Variants in AGAP3 observed in about 807,000 individuals in gnomAD.
The protein encoded by AGAP3 is arf-GAP with GTPase, ANK repeat and PH domain-containing protein 3.
AGAP3 carries 24 observed loss-of-function variants against 96.9 expected under a neutral mutation model. The observed-to-expected ratio is 0.25, with a 90% CI of 0.18 to 0.35. AGAP3 has a LOEUF of 0.35. Ranked by LOEUF, AGAP3 falls within the 10% of genes least tolerant of loss-of-function variation. The probability of loss-of-function intolerance (pLI) is 1.00; values close to 1 mark genes in which losing one functional copy is unlikely to be tolerated. For missense variants in AGAP3, 876 were observed against 1,254.2 expected (o/e 0.70, Z 4.55); for synonymous variants, 563 against 536.1 (o/e 1.05, Z -0.69).
chr7:151,124,028 C>A, intron 9 of AGAP3, 142 bp downstream of exon 9: 1 of 851,140 alleles, frequency 1.2e-6, no homozygotes, highest in Non-Finnish European at 1.8e-6. Flanking sequence ...GAGTCCTTAA[C>A]AAGGGACTGG....
chr7:151,102,598 CAA>C (rs35708283), intron 1 of AGAP3, among the ~76,000 whole-genome samples: 27 of 123,162 alleles, frequency 2.2e-4, no homozygotes, highest in South Asian at 1.1e-3. Flanking sequence ...CTCGTCTCTA[CAA>C]AAAAAAAAAA....
intron 1 of AGAP3, chr7:151,115,128 C>A: frequency 9.6e-7 from 1 of 1,039,492 alleles, no homozygotes; most frequent in Non-Finnish European, 1.2e-6. Flanking sequence ...GGAGCCGACT[C>A]CGCGGCCCCG....
chr7:151,090,915 G>T (rs1375679040), intron 1 of AGAP3, among the ~76,000 whole-genome samples: 1 of 152,152 alleles, frequency 6.6e-6, no homozygotes, highest in Non-Finnish European at 1.5e-5. Context: ...CTGCACTCCA[G>T]CCTGGGCAAC....
intron 9 of AGAP3, among the ~76,000 whole-genome samples, chr7:151,126,240 T>C (rs1739727854): frequency 6.6e-6 from 1 of 152,004 alleles, no homozygotes; most frequent in African/African-American, 2.4e-5. Flanking sequence ...GCCACACGTG[T>C]CTGGGTCGGA....
rs1800754598 is a variant in AGAP3 at position 151,139,945 on chromosome 7, T to C, written c.1667-34T>C. ...CGCCCCTCCCCTCCTCTGCCTCCCT[T>C]CTTCCCACACTTCTCCAACTCTCCC... On this transcript the variant is annotated intron_variant, in intron 12 of 17. Coordinates refer to ENST00000397238, the MANE Select transcript of AGAP3 (RefSeq NM_031946.7). This position sits in a 1 kb window ranked among gnomAD's most constrained non-coding sequence, Gnocchi z 4.9. The C allele has an allele frequency of 1.3e-6, 2 of 1,482,276 alleles. No individual in the cohort carries two copies. Among genetic ancestry groups the C allele is most frequent in the Middle Eastern group, 3.6e-4 (2 of 5,498 alleles). 91.8% of individuals were successfully genotyped at this position (1,482,276 alleles called of 1,614,324 possible). A position where few individuals can be genotyped will look rare whatever the true frequency, so the allele number is the denominator to read the frequency against.
intron 11 of AGAP3, among the ~76,000 whole-genome samples, 198 bp downstream of exon 11, chr7:151,134,766 G>A (rs1395023204): frequency 2.0e-5 from 3 of 152,180 alleles, no homozygotes; most frequent in Non-Finnish European, 2.9e-5. Flanking sequence ...ATGCCTAGAC[G>A]AGCAGTTGAT....
chr7:151,110,929 C>A (rs1486044264), intron 1 of AGAP3, among the ~76,000 whole-genome samples: 1 of 152,074 alleles, frequency 6.6e-6, no homozygotes, highest in Non-Finnish European at 1.5e-5. Flanking sequence ...GAATTTAGGT[C>A]CATGGCTGCT....
chr7:151,116,634 C>T (rs1007272346), intron 1 of AGAP3, 159 bp from the exon 2 acceptor site: 2 of 742,132 alleles, frequency 2.7e-6, no homozygotes, highest in East Asian at 2.5e-5. Flanking sequence ...TTCCCACTGC[C>T]TCCTGGGGAA....
intron 1 of AGAP3, among the ~76,000 whole-genome samples, chr7:151,106,057 T>C (rs1799043944): frequency 6.6e-6 from 1 of 151,866 alleles, no homozygotes; most frequent in South Asian, 2.1e-4. Flanking sequence ...CCTTTGAAAA[T>C]ATGAAACAGA....
At position 151,143,577 on chromosome 7, in the gene AGAP3, T is replaced by G; in HGVS notation, c.2510T>G (p.Phe837Cys). 6.2e-7 allele frequency: 1 copy of G among 1,605,532 alleles called. No homozygotes were observed. Among genetic ancestry groups the G allele is most frequent in the Non-Finnish European group, 8.5e-7 (1 of 1,174,202 alleles). Residue 837 changes from phenylalanine to cysteine, a missense_variant, in exon 17 of 18, where the codon TTC becomes TGC. Coordinates refer to ENST00000397238, the MANE Select transcript of AGAP3 (RefSeq NM_031946.7). The surrounding 1 kb of genome is among the most constrained non-coding windows in gnomAD (Gnocchi z 5.9). ...HLSSAMANVV[F>C]TQLLIWYGVD... ...TCCAGTGCCATGGCCAACGTTGTCT[T>G]CACGCAGCTGCTCATCTGGGTGAGT...
chr7:151,100,251 A>G (rs1798784678), intron 1 of AGAP3, among the ~76,000 whole-genome samples: 1 of 152,056 alleles, frequency 6.6e-6, no homozygotes, highest in African/African-American at 2.4e-5. Flanking sequence ...TCCTGAACCC[A>G]TGTTACTAGA....
rs972016335 is a variant in AGAP3, at chr7:151,131,474, C to T, written c.1326+2790C>T. Among the ~76,000 whole-genome samples, 16 of 152,272 alleles carry T rather than the reference C, an allele frequency of 1.1e-4. No homozygotes were observed. The East Asian group carries it at 1.4e-3, about 13-fold the overall frequency. ...GGGTAATAAAGGCAGCCGTGGTGAC[C>T]GCTCTCCTGAGCAGCCGCCACCGCC... On this transcript the variant is annotated intron_variant, in intron 10 of 17. Transcript: ENST00000397238.
At chr7:151,138,462 C>T (rs1368918308) in intron 12 of AGAP3, 149 bp downstream of exon 12, 2 of 900,694 alleles carry the variant, frequency 2.2e-6, no homozygotes, top group Non-Finnish European at 3.3e-6. Flanking sequence ...CTGGGCTTGT[C>T]AGAGAGACCC....
intron 1 of AGAP3, among the ~76,000 whole-genome samples, chr7:151,101,963 C>G (rs1462113950): frequency 2.6e-5 from 4 of 152,128 alleles, no homozygotes; most frequent in African/African-American, 9.7e-5. Context: ...GGCAGTGGTG[C>G]CATGAGCCCT....
intron 11 of AGAP3, 106 bp downstream of exon 11, chr7:151,134,674 C>G (rs957525826): frequency 8.5e-7 from 1 of 1,172,014 alleles, no homozygotes; most frequent in Non-Finnish European, 1.2e-6. Flanking sequence ...AGGGTGCTGG[C>G]CAGCATCACA....
At chr7:151,093,042 C>T (rs1375903339) in intron 1 of AGAP3, among the ~76,000 whole-genome samples, 3 of 152,160 alleles carry the variant, frequency 2.0e-5, no homozygotes, top group Non-Finnish European at 4.4e-5. Context: ...CTCTCTGAGG[C>T]GTCTGTCTCC....
chr7:151,117,349 C>T (rs1799643010), intron 3 of AGAP3, 22 bp from the exon 4 acceptor site: 2 of 1,613,950 alleles, frequency 1.2e-6, no homozygotes, highest in South Asian at 1.1e-5. Context: ...CACTTTGGAC[C>T]TGACTGCGCG....
At chr7:151,087,333 G>A in intron 1 of AGAP3, 1 of 517,138 alleles carries the variant, frequency 1.9e-6, no homozygotes, top group Non-Finnish European at 3.5e-6. Flanking sequence ...GGGGGGCCGG[G>A]ACCAGATCTG....
chr7:151,138,628 C>T (rs1247355823), intron 12 of AGAP3, among the ~76,000 whole-genome samples: 1 of 152,236 alleles, frequency 6.6e-6, no homozygotes, highest in Non-Finnish European at 1.5e-5. Flanking sequence ...GCTCCTCCTC[C>T]CCTTTGTCCC....
Sources: allele counts gnomAD v4.1 joint callset (sites outside exome capture counted in the v4.1 genomes callset), GRCh38; gene constraint gnomAD v4.1.1; non-coding constraint Gnocchi (gnomAD v3.1); transcripts MANE v1.5; gene names NCBI Gene and HGNC (gene_info 2026-07-23, HGNC 2026-07-21).